UGGT2: variants seen among roughly 807,000 people sequenced by gnomAD.
UGGT2 encodes the protein UDP-glucose:glycoprotein glucosyltransferase 2.
A neutral mutation model predicts 192.1 loss-of-function variants in UGGT2; 180 were observed. The ratio of observed to expected loss-of-function variants is 0.94; its 90% CI spans 0.83 to 1.06. The LOEUF (loss-of-function observed/expected upper bound fraction) is 1.06. Among genes scored for constraint, UGGT2 ranks in the 50% least tolerant of loss-of-function variants. The probability of loss-of-function intolerance (pLI) is 0.00; values close to 1 mark genes in which losing one functional copy is unlikely to be tolerated. For synonymous variants in UGGT2, 580 were observed against 591.0 expected (o/e 0.98, Z 0.27); for missense variants, 1,849 against 1,795.7 (o/e 1.03, Z -0.54).
chr13:95,988,690 GTAAAGAATAGCAGAAGTTATAAAACT>G (rs1352253605), intron 8 of UGGT2, among the ~76,000 whole-genome samples: 1 of 152,082 alleles, frequency 6.6e-6, no homozygotes, highest in Non-Finnish European at 1.5e-5. Flanking sequence ...TATTAGGTAG[GTAAAGAATAGCAGAAGTTATAAAACT>G]TAATAGATTG....
intron 20 of UGGT2, among the ~76,000 whole-genome samples, chr13:95,904,600 C>A (rs1428985411): frequency 1.3e-5 from 2 of 151,998 alleles, no homozygotes; most frequent in Non-Finnish European, 2.9e-5. Context: ...CCAATTTCAT[C>A]CATGTCCCTA....
At chr13:95,839,050 T>C (rs1887592931) in intron 36 of UGGT2, among the ~76,000 whole-genome samples, 1 of 152,144 alleles carries the variant, frequency 6.6e-6, no homozygotes, top group Non-Finnish European at 1.5e-5. Context: ...TCTCACTTAG[T>C]TGTACTTTCT....
chr13:95,888,249 T>C (rs1050350170), intron 25 of UGGT2, among the ~76,000 whole-genome samples: 2 of 152,182 alleles, frequency 1.3e-5, no homozygotes, highest in African/African-American at 4.8e-5. Flanking sequence ...CTTTTTTTCA[T>C]AGTATCTAAA....
intron 24 of UGGT2, among the ~76,000 whole-genome samples, chr13:95,891,544 G>A (rs2047800824): frequency 6.6e-6 from 1 of 152,034 alleles, no homozygotes; most frequent in South Asian, 2.1e-4. Flanking sequence ...TTTTTAAAGG[G>A]AAATGAGAAA....
chr13:95,959,671 G>C (rs1426828364), intron 12 of UGGT2, among the ~76,000 whole-genome samples: 1 of 152,292 alleles, frequency 6.6e-6, no homozygotes, highest in Non-Finnish European at 1.5e-5. Flanking sequence ...GCCAACACTG[G>C]CATGGACCCT....
chr13:96,034,982 C>T (rs2052956948), intron 1 of UGGT2, among the ~76,000 whole-genome samples: 1 of 152,232 alleles, frequency 6.6e-6, no homozygotes, highest in Non-Finnish European at 1.5e-5. Flanking sequence ...AAAGGTGCTA[C>T]CAGCCATAGA....
chr13:95,968,390 T>C (rs2050656588), intron 12 of UGGT2, among the ~76,000 whole-genome samples: 1 of 152,190 alleles, frequency 6.6e-6, no homozygotes, highest in African/African-American at 2.4e-5. Context: ...ATATAATGTA[T>C]GTATATGTGC....
At position 95,930,359 on chromosome 13, in the gene UGGT2, G is replaced by A. The variant is rs573853719; in HGVS notation, c.1978-3023C>T. 7.2e-5 allele frequency among the ~76,000 whole-genome samples: 11 copies of A among 152,166 alleles called. No individual in the cohort carries two copies. In the East Asian group the frequency reaches 1.2e-3, roughly 16 times the overall value. On this transcript the variant is annotated intron_variant, in intron 17 of 38. Coordinates refer to ENST00000376747, the MANE Select transcript of UGGT2 (RefSeq NM_020121.4). ...CTTTCCCAAGACTGATGTCCAGAAC[G>A]GTGTTTCCTAGGTTTTCTTCTAGAA...
Position 95,807,518 on chromosome 13 carries a change from T to G in UGGT2, c.4529-5706A>C, listed in dbSNP as rs182869883. ...CATAAAAAGCAAAAGCAGTCTTTAA[T>G]AATTGGAACTCTTCTGCCAATTGTC... On this transcript the variant is annotated intron_variant, in intron 38 of 38. Transcript: ENST00000376747. Among the ~76,000 whole-genome samples, 212 of 152,338 alleles carry G rather than the reference T, an allele frequency of 1.4e-3. 2 individuals are homozygous for G. Among genetic ancestry groups the G allele is most frequent in the Admixed American group, 5.0e-3 (76 of 15,302 alleles).
At chr13:96,044,230 A>C (rs1028196347) in intron 1 of UGGT2, among the ~76,000 whole-genome samples, 2 of 152,228 alleles carry the variant, frequency 1.3e-5, no homozygotes, top group African/African-American at 4.8e-5. Context: ...AAACCATGCA[A>C]ATACATGGAA....
Position 95,909,703 on chromosome 13 carries a change from G to A in UGGT2, c.2296-6643C>T, listed in dbSNP as rs9516622. Among the ~76,000 whole-genome samples the A allele has an allele frequency of 6.6e-3, 908 of 138,522 alleles. 5 individuals carry two copies. Among genetic ancestry groups the A allele is most frequent in the Non-Finnish European group, 9.9e-3 (651 of 65,908 alleles). 90.9% of individuals were successfully genotyped at this position (138,522 alleles called of 152,430 possible). ...ACCAGCATGGCACATGTATACATAT[G>A]TAACTAACCGGCACAATGTGCACAT... On this transcript the variant is annotated intron_variant, in intron 20 of 38. Coordinates refer to ENST00000376747, the MANE Select transcript of UGGT2 (RefSeq NM_020121.4).
chr13:95,855,137 A>G (rs3101569), intron 34 of UGGT2, among the ~76,000 whole-genome samples: 19 of 119,372 alleles, frequency 1.6e-4, no homozygotes, highest in Non-Finnish European at 2.5e-4. Flanking sequence ...AAAAAAAAAA[A>G]TTAGCCAGGC....
intron 1 of UGGT2, 47 bp downstream of exon 1, chr13:96,053,108 G>A: frequency 7.0e-7 from 1 of 1,426,226 alleles, no homozygotes; most frequent in Non-Finnish European, 9.1e-7. Context: ...GGCTGAGGGT[G>A]GCAGCGCGCC....
intron 20 of UGGT2, among the ~76,000 whole-genome samples, chr13:95,916,328 G>A (rs2048681152): frequency 2.0e-5 from 3 of 152,080 alleles, no homozygotes; most frequent in African/African-American, 2.4e-5. Context: ...CAGCTTGACC[G>A]TTAAAAACAA....
rs935503826 is a variant in UGGT2, at chr13:96,031,792, G to A, written c.241+97C>T. On this transcript the variant is annotated intron_variant, in intron 2 of 38. Transcript: ENST00000376747. ...TGTTCGGATTTACTAACCCAGTGAA[G>A]CATTCACACTTAACCATTACCATTA... 6.1e-6 allele frequency: 5 copies of A among 820,860 alleles called. No individual in the cohort carries two copies. The African/African-American group carries it at 7.0e-5, about 11-fold the overall frequency. 50.8% of individuals were successfully genotyped at this position (820,860 alleles called of 1,614,324 possible). A position where few individuals can be genotyped will look rare whatever the true frequency, so the allele number is the denominator to read the frequency against.
At chr13:95,823,811 CTAGA>C (rs147777300) in intron 38 of UGGT2, among the ~76,000 whole-genome samples, 214 of 152,016 alleles carry the variant, frequency 1.4e-3, no homozygotes, top group African/African-American at 5.0e-3. Context: ...TAGTTGTTAC[CTAGA>C]TAAACTGTTG....
chr13:95,872,354 A>C (rs893533533), intron 29 of UGGT2, among the ~76,000 whole-genome samples: 1 of 152,250 alleles, frequency 6.6e-6, no homozygotes, highest in Non-Finnish European at 1.5e-5. Flanking sequence ...AATTTTAAAA[A>C]ATCAAATAAT....
intron 5 of UGGT2, among the ~76,000 whole-genome samples, chr13:96,002,740 C>T (rs913082730): frequency 6.6e-6 from 1 of 152,146 alleles, no homozygotes; most frequent in Non-Finnish European, 1.5e-5. Context: ...ATGTGAAGAA[C>T]ACTGAGGGAA....
chr13:96,050,278 T>C (rs1030327824), intron 1 of UGGT2, among the ~76,000 whole-genome samples: 4 of 152,236 alleles, frequency 2.6e-5, no homozygotes, highest in African/African-American at 4.8e-5. Flanking sequence ...GCTAGCCATA[T>C]GTAGAAAGCT....
Sources: gnomAD v4.1 joint callset for allele counts (sites outside exome capture counted in the v4.1 genomes callset) on GRCh38, gnomAD v4.1.1 for gene constraint, MANE v1.5 for transcripts, NCBI Gene and HGNC (gene_info 2026-07-23, HGNC 2026-07-21) for gene names.